The following ARHGAP31 variants were observed in gnomAD, a reference collection of about 807,000 sequenced individuals.
ARHGAP31 encodes rho GTPase-activating protein 31.
A neutral mutation model predicts 113.9 loss-of-function variants in ARHGAP31; 34 were observed. The observed-to-expected ratio is 0.30, with a 90% CI of 0.23 to 0.40. The LOEUF (loss-of-function observed/expected upper bound fraction) is 0.40. Ranked by LOEUF, ARHGAP31 falls within the 10% of genes least tolerant of loss-of-function variation. ARHGAP31 has a pLI of 1.00. For synonymous variants in ARHGAP31, 650 were observed against 684.8 expected (o/e 0.95, Z 0.79); for missense variants, 1,548 against 1,767.1 (o/e 0.88, Z 2.22).
At chr3:119,300,931 A>G (rs2079578640) in intron 1 of ARHGAP31, among the ~76,000 whole-genome samples, 1 of 151,952 alleles carries the variant, frequency 6.6e-6, no homozygotes, top group Non-Finnish European at 1.5e-5. Flanking sequence ...CTGGATGTGG[A>G]GCTTGTGGAG....
intron 1 of ARHGAP31, among the ~76,000 whole-genome samples, chr3:119,300,830 CAA>C (rs1180971088): frequency 6.8e-5 from 6 of 88,440 alleles, no homozygotes; most frequent in African/African-American, 9.3e-5. Flanking sequence ...GACTCCATCT[CAA>C]AAAAAAAAAA....
chr3:119,409,439 AAG>A (rs2080695419), intron 10 of ARHGAP31, 55 bp from the exon 11 acceptor site: 1 of 1,599,274 alleles, frequency 6.3e-7, no homozygotes, highest in Admixed American at 1.7e-5. Flanking sequence ...CTGTGTTGGG[AAG>A]AGTCTCTCTT....
At position 119,399,182 on chromosome 3, in the gene ARHGAP31, T is replaced by A. The variant is rs780554721; in HGVS notation, c.1007-17T>A. The A allele has an allele frequency of 2.5e-6, 4 of 1,611,036 alleles. No homozygotes were observed. The highest frequency in any genetic ancestry group is 3.4e-6 in the Non-Finnish European group (4 of 1,177,218). On this transcript the variant is annotated splice_polypyrimidine_tract_variant and intron_variant, in intron 8 of 11. Transcript: ENST00000264245. ...TTAATATGCATTCATCAAGGATATT[T>A]TTTCTTTTGTCTTTAGTGGAAAAGG... is the stretch of plus-strand genomic sequence containing the variant.
intron 7 of ARHGAP31, among the ~76,000 whole-genome samples, chr3:119,392,736 G>T (rs1474032169): frequency 1.3e-5 from 2 of 152,178 alleles, no homozygotes; most frequent in African/African-American, 4.8e-5. Flanking sequence ...GCGTTTCTCT[G>T]CAGTGATCAT....
chr3:119,310,830 C>T (rs2079673450), intron 1 of ARHGAP31, among the ~76,000 whole-genome samples: 1 of 152,178 alleles, frequency 6.6e-6, no homozygotes, highest in Non-Finnish European at 1.5e-5. Context: ...AAAGGCACTA[C>T]CAACTGCTTT....
At chr3:119,349,620 C>T (rs890032358) in intron 1 of ARHGAP31, among the ~76,000 whole-genome samples, 1 of 152,194 alleles carries the variant, frequency 6.6e-6, no homozygotes, top group African/African-American at 2.4e-5. Flanking sequence ...TTCAAAAGCT[C>T]ATTGGAGCAG....
chr3:119,342,713 G>A (rs529105466), intron 1 of ARHGAP31, among the ~76,000 whole-genome samples: 1 of 152,330 alleles, frequency 6.6e-6, no homozygotes, highest in South Asian at 2.1e-4. Context: ...GCTTGGGGAG[G>A]CCAAGGTGGG....
At chr3:119,355,900 A>G (rs534433502) in intron 1 of ARHGAP31, among the ~76,000 whole-genome samples, 1 of 151,994 alleles carries the variant, frequency 6.6e-6, no homozygotes, top group African/African-American at 2.4e-5. Context: ...GGACATTTGG[A>G]TTGGTTCCAA....
chr3:119,374,910 T>C (rs984662853), intron 3 of ARHGAP31, among the ~76,000 whole-genome samples: 4 of 152,140 alleles, frequency 2.6e-5, no homozygotes, highest in African/African-American at 9.7e-5. Context: ...CACACCATAA[T>C]ATAAAGTTAA....
At chr3:119,382,224 A>T in intron 4 of ARHGAP31, 68 bp from the exon 5 acceptor site, 2 of 1,364,160 alleles carry the variant, frequency 1.5e-6, no homozygotes, top group South Asian at 2.3e-5. Context: ...CTTAGAAATT[A>T]TCTCCATATG....
rs749949055 is a variant in ARHGAP31 at position 119,368,446 on chromosome 3, C to G, written c.278C>G (p.Ser93Trp). ...CTCCAGGACATCCACTGTGTGGGCT[C>G]GCTTTGCAAGCTCTACTTTAGGGAG... ...VYLQDIHCVGSLCKLYFRELP... is the reference protein window; with the variant it reads ...VYLQDIHCVGWLCKLYFRELP... Residue 93 changes from serine (S) to tryptophan (W), a missense_variant, in exon 3 of 12, where the codon TCG becomes TGG. Ser to Trp is a radical substitution (Grantham distance 177). Coordinates refer to ENST00000264245, the MANE Select transcript of ARHGAP31 (RefSeq NM_020754.4). 1 of 1,614,076 alleles carries G rather than the reference C, an allele frequency of 6.2e-7. No individual in the cohort carries two copies. The highest frequency in any genetic ancestry group is 1.7e-5 in the Admixed American group (1 of 60,016).
At chr3:119,332,495 C>T (rs567304500) in intron 1 of ARHGAP31, among the ~76,000 whole-genome samples, 2 of 152,208 alleles carry the variant, frequency 1.3e-5, no homozygotes, top group East Asian at 3.9e-4. Context: ...AGCCACCGCA[C>T]CGGCCGGATT....
intron 3 of ARHGAP31, among the ~76,000 whole-genome samples, chr3:119,370,608 A>C (rs1433599104): frequency 6.6e-6 from 1 of 152,122 alleles, no homozygotes; most frequent in African/African-American, 2.4e-5. Flanking sequence ...ACACACACTC[A>C]CTTGTCAGTA....
At chr3:119,346,618 TA>T (rs1348039832) in intron 1 of ARHGAP31, among the ~76,000 whole-genome samples, 3 of 152,220 alleles carry the variant, frequency 2.0e-5, no homozygotes, top group African/African-American at 4.8e-5. Flanking sequence ...GGGAATCCAA[TA>T]AACATAATTA....
chr3:119,334,848 G>T (rs767344947), intron 1 of ARHGAP31, among the ~76,000 whole-genome samples: 41 of 152,196 alleles, frequency 2.7e-4, no homozygotes, highest in Non-Finnish European at 4.9e-4. Context: ...GCCCAGAGAA[G>T]TTAAGTAATT....
chr3:119,392,998 T>C (rs1424905868), intron 7 of ARHGAP31, among the ~76,000 whole-genome samples: 3 of 152,120 alleles, frequency 2.0e-5, no homozygotes, highest in African/African-American at 7.2e-5. Context: ...ATCCCAGCAC[T>C]TGGGAGGCTG....
intron 1 of ARHGAP31, among the ~76,000 whole-genome samples, chr3:119,306,379 C>T (rs1421290732): frequency 6.6e-6 from 1 of 151,978 alleles, no homozygotes. Flanking sequence ...CATGGTGAAA[C>T]CCCATCTCTA....
At chr3:119,391,010 T>C (rs2080499380) in intron 7 of ARHGAP31, 27 bp downstream of exon 7, 1 of 1,609,612 alleles carries the variant, frequency 6.2e-7, no homozygotes, top group Non-Finnish European at 8.5e-7. Context: ...TAAAAAATTC[T>C]AGGAGATGTG....
intron 10 of ARHGAP31, among the ~76,000 whole-genome samples, chr3:119,403,827 C>G (rs1210703322): frequency 6.6e-6 from 1 of 152,132 alleles, no homozygotes; most frequent in Non-Finnish European, 1.5e-5. Context: ...TGGGCTGATT[C>G]GGATGCTAGC....
Sources: allele counts gnomAD v4.1 joint callset (sites outside exome capture counted in the v4.1 genomes callset), GRCh38; gene constraint gnomAD v4.1.1; transcripts MANE v1.5; gene names NCBI Gene and HGNC (gene_info 2026-07-23, HGNC 2026-07-21).